The following LHFPL1 variants were observed in gnomAD, a reference collection of about 807,000 sequenced individuals.
LHFPL1 encodes LHFPL tetraspan subfamily member 1 protein.
A neutral mutation model predicts 12.1 loss-of-function variants in LHFPL1; 4 were observed. The observed-to-expected ratio is 0.33, with a 90% CI of 0.16 to 0.76. The LOEUF (loss-of-function observed/expected upper bound fraction) is 0.76. Ranked by LOEUF, LHFPL1 falls within the 30% of genes least tolerant of loss-of-function variation. The pLI is 0.61. For synonymous variants in LHFPL1, 52 were observed against 61.9 expected (o/e 0.84, Z 0.75); for missense variants, 141 against 174.1 (o/e 0.81, Z 1.07).
At chrX:112,678,608 T>C (rs1229287262) in intron 1 of LHFPL1, among the ~76,000 whole-genome samples, 1 of 112,200 alleles carries the variant, frequency 8.9e-6, no homozygotes, top group African/African-American at 3.2e-5. Context: ...GATGGGCTGA[T>C]TGCTTTTCCA....
intron 3 of LHFPL1, among the ~76,000 whole-genome samples, chrX:112,660,198 T>C (rs1243924700): frequency 8.9e-6 from 1 of 112,415 alleles, no homozygotes; most frequent in Non-Finnish European, 1.9e-5. Context: ...ATTTTGAATA[T>C]TTATCTAGGT....
chrX:112,679,452 C>T (rs1004942534), intron 1 of LHFPL1, among the ~76,000 whole-genome samples: 8 of 111,558 alleles, frequency 7.2e-5, no homozygotes, highest in African/African-American at 2.6e-4. Context: ...ATTAGCAAAC[C>T]GGATCCATTT....
chrX:112,657,908 G>GGAA (rs1931056518), intron 3 of LHFPL1, among the ~76,000 whole-genome samples: 4 of 55,304 alleles, frequency 7.2e-5, no homozygotes, highest in African/African-American at 6.8e-4. Context: ...TAAAACAGAA[G>GGAA]CAAAAAAAAA....
chrX:112,657,087 A>G (rs1028449831), intron 3 of LHFPL1, among the ~76,000 whole-genome samples: 2 of 112,820 alleles, frequency 1.8e-5, no homozygotes, highest in Non-Finnish European at 3.7e-5. Context: ...AAGTCAAACC[A>G]TAGTATGTTG....
In LHFPL1 at chrX:112,655,690, C is replaced by T. The variant is rs113818538; in HGVS notation, c.481+4937G>A. Reference sequence around the variant, plus strand: ...TTTTTTGGCTCTGTGTATCTCCCTTCCCAAGTAGCTGGGACTATAGGTGAA... The same window carrying T: ...TTTTTTGGCTCTGTGTATCTCCCTTTCCAAGTAGCTGGGACTATAGGTGAA... On this transcript the variant is annotated intron_variant, in intron 3 of 3. Coordinates refer to ENST00000371968, the MANE Select transcript of LHFPL1 (RefSeq NM_178175.4). Among the ~76,000 whole-genome samples, 408 of 111,597 alleles carry T rather than the reference C, an allele frequency of 3.7e-3. 2 individuals are homozygous for T. Among genetic ancestry groups the T allele is most frequent in the Middle Eastern group, 9.3e-3 (2 of 215 alleles).
chrX:112,633,264 A>G (rs1038960764), intron 3 of LHFPL1, among the ~76,000 whole-genome samples: 9 of 112,055 alleles, frequency 8.0e-5, no homozygotes, highest in African/African-American at 2.9e-4. Flanking sequence ...AGCTGAGGAC[A>G]TTGGCATTTT....
chrX:112,676,010 T>G (rs1483191157), intron 1 of LHFPL1, among the ~76,000 whole-genome samples: 1 of 112,104 alleles, frequency 8.9e-6, no homozygotes, highest in Non-Finnish European at 1.9e-5. Flanking sequence ...AATATGAGTC[T>G]CAGCCCAACT....
chrX:112,654,459 C>T (rs1275205854), intron 3 of LHFPL1, among the ~76,000 whole-genome samples: 1 of 110,131 alleles, frequency 9.1e-6, no homozygotes, highest in South Asian at 3.8e-4. Flanking sequence ...TATGAATAAG[C>T]GAAAAACGCA....
intron 3 of LHFPL1, among the ~76,000 whole-genome samples, chrX:112,648,018 T>C (rs1321977918): frequency 9.0e-6 from 1 of 111,335 alleles, no homozygotes; most frequent in Non-Finnish European, 1.9e-5. Context: ...GTTCATGTCC[T>C]TTGCAGGGAC....
At chrX:112,641,473 T>C (rs149255131) in intron 3 of LHFPL1, among the ~76,000 whole-genome samples, 2,483 of 110,856 alleles carry the variant, frequency 0.022, 57 homozygotes, top group African/African-American at 0.078. Flanking sequence ...GGGATGAGAG[T>C]TACAGGGAAC....
At chrX:112,660,300 G>T (rs1036592890) in intron 3 of LHFPL1, among the ~76,000 whole-genome samples, 1 of 112,470 alleles carries the variant, frequency 8.9e-6, no homozygotes, top group Non-Finnish European at 1.9e-5. Flanking sequence ...GAAAAATGGT[G>T]CCTAGAAGGA....
rs1930737801 is a variant in LHFPL1 at position 112,647,788 on chromosome X, C to T, written c.481+12839G>A. 2.7e-5 allele frequency among the ~76,000 whole-genome samples: 3 copies of T among 111,809 alleles called. No individual in the cohort carries two copies. The South Asian group carries it at 1.1e-3, about 42-fold the overall frequency. On this transcript the variant is annotated intron_variant, in intron 3 of 3. Coordinates refer to ENST00000371968, the MANE Select transcript of LHFPL1 (RefSeq NM_178175.4). Reference sequence around the variant, plus strand: ...TGGCAATTCCTCAAGAATCTAGAAACAGAAATACCATTTGACCCAGCAATC... The same window carrying T: ...TGGCAATTCCTCAAGAATCTAGAAATAGAAATACCATTTGACCCAGCAATC...
chrX:112,648,468 G>A (rs2147708066), intron 3 of LHFPL1, among the ~76,000 whole-genome samples: 1 of 111,342 alleles, frequency 9.0e-6, no homozygotes, highest in Admixed American at 9.5e-5. Context: ...AGATTTTTAT[G>A]TCCTCTTCCT....
chrX:112,639,009 T>C (rs999370478), intron 3 of LHFPL1, among the ~76,000 whole-genome samples: 1 of 112,067 alleles, frequency 8.9e-6, no homozygotes, highest in Admixed American at 9.4e-5. Context: ...CTGCTGACTT[T>C]AGGGTCTTTA....
At chrX:112,637,454 A>G (rs1245414129) in intron 3 of LHFPL1, among the ~76,000 whole-genome samples, 1 of 111,638 alleles carries the variant, frequency 9.0e-6, no homozygotes, top group East Asian at 2.8e-4. Context: ...TTGTGGTGGG[A>G]TCTAGCATTG....
chrX:112,652,111 T>TGGGGTAGGC (rs1207526240), intron 3 of LHFPL1, among the ~76,000 whole-genome samples: 1 of 112,682 alleles, frequency 8.9e-6, no homozygotes, highest in Non-Finnish European at 1.9e-5. Context: ...ACCCTTCAGG[T>TGGGGTAGGC]TTCTTCTTAA....
At chrX:112,671,515 G>A in intron 1 of LHFPL1, 111 bp from the exon 2 acceptor site, 1 of 1,170,103 alleles carries the variant, frequency 8.5e-7, no homozygotes, top group East Asian at 3.0e-5. Context: ...GCTCAATTAT[G>A]TGCCACTTGG....
chrX:112,648,949 G>A (rs1313377091), intron 3 of LHFPL1, among the ~76,000 whole-genome samples: 1 of 111,426 alleles, frequency 9.0e-6, no homozygotes, highest in Admixed American at 9.5e-5. Context: ...GTTCAACAAG[G>A]GACCAAGTTC....
intron 1 of LHFPL1, 108 bp from the exon 2 acceptor site, chrX:112,671,512 T>C: frequency 8.5e-7 from 1 of 1,174,595 alleles, no homozygotes; most frequent in Non-Finnish European, 1.1e-6. Flanking sequence ...GGGGCTCAAT[T>C]ATGTGCCACT....
Sources: allele counts gnomAD v4.1 joint callset (sites outside exome capture counted in the v4.1 genomes callset), GRCh38; gene constraint gnomAD v4.1.1; transcripts MANE v1.5; gene names NCBI Gene and HGNC (gene_info 2026-07-23, HGNC 2026-07-21).